The following PODXL variants were observed in gnomAD, a reference collection of about 807,000 sequenced individuals.
PODXL encodes podocalyxin.
Under a neutral mutation model 48.9 loss-of-function variants are expected in PODXL, and 20 were observed. The ratio of observed to expected loss-of-function variants is 0.41; its 90% CI spans 0.29 to 0.59. The LOEUF (loss-of-function observed/expected upper bound fraction) is 0.59. Ranked by LOEUF, PODXL falls within the 20% of genes least tolerant of loss-of-function variation. The pLI, the probability that PODXL is intolerant of heterozygous loss-of-function variation, is 0.31. For synonymous variants in PODXL, 295 were observed against 287.4 expected, an observed-to-expected ratio of 1.03 and a Z score of -0.27; for missense variants, 606 against 675.1, an observed-to-expected ratio of 0.90 and a Z score of 1.13.
intron 6 of PODXL, 82 bp from the exon 7 acceptor site, chr7:131,506,403 C>T (rs896351135): frequency 8.0e-6 from 12 of 1,496,322 alleles, no homozygotes; most frequent in South Asian, 3.4e-5. Flanking sequence ...AAGAGAGGGA[C>T]GCACCGTATC....
At position 131,556,401 on chromosome 7, in the gene PODXL, C is replaced by A. The variant is rs1798748330; in HGVS notation, c.-42G>T. 7.5e-7 allele frequency: 1 copy of A among 1,337,576 alleles called. No homozygotes were observed. The highest frequency in any genetic ancestry group is 2.9e-5 in the East Asian group (1 of 34,774). 82.9% of individuals were successfully genotyped at this position (1,337,576 alleles called of 1,614,324 possible). On this transcript the variant is annotated 5_prime_UTR_variant, in exon 1 of 9. Coordinates refer to ENST00000378555, the MANE Select transcript of PODXL (RefSeq NM_001018111.3). The stretch of plus-strand genomic sequence containing the variant: ...GGCCGGGAGCAGGTGGCTGCGGTGC[C>A]GGCGGAGGATCCGCGCGTCCGGGCG...
chr7:131,540,204 C>T (rs543318134), intron 1 of PODXL, among the ~76,000 whole-genome samples: 1 of 152,126 alleles, frequency 6.6e-6, no homozygotes, highest in African/African-American at 2.4e-5. Flanking sequence ...CACCACCACA[C>T]CCAGCTATGT....
rs116935073 is a variant in PODXL, at chr7:131,540,931, C to T, written c.100+15329G>A. ...CTGTGAAATGGAGCCTGTGAATTTC[C>T]CAGGGAATGATCTGCTTCCGTCTGG... On this transcript the variant is annotated intron_variant, in intron 1 of 8. Coordinates refer to ENST00000378555, the MANE Select transcript of PODXL (RefSeq NM_001018111.3). Among the ~76,000 whole-genome samples the T allele has an allele frequency of 6.2e-3, 943 of 152,252 alleles. 4 individuals carry two copies. Among genetic ancestry groups the T allele is most frequent in the Non-Finnish European group, 9.8e-3 (666 of 68,026 alleles).
At position 131,506,729 on chromosome 7, in the gene PODXL, A is replaced by G. The variant is rs2116779778; in HGVS notation, c.1102-3T>C. The G allele has an allele frequency of 3.1e-6, 5 of 1,614,026 alleles. No homozygotes were observed. The highest frequency in any genetic ancestry group is 4.2e-6 in the Non-Finnish European group (5 of 1,179,954). ...TTCTCATCCGAAGCGCCCCCTGCCT[A>G]TGGTGGGGAGAGCGCAGGTGACTCC... is the stretch of plus-strand genomic sequence containing the variant. On this transcript the variant is annotated splice_polypyrimidine_tract_variant and splice_region_variant and intron_variant, in intron 5 of 8. Coordinates refer to ENST00000378555, the MANE Select transcript of PODXL (RefSeq NM_001018111.3).
chr7:131,539,053 T>C (rs1798430576), intron 1 of PODXL, among the ~76,000 whole-genome samples: 1 of 152,206 alleles, frequency 6.6e-6, no homozygotes, highest in African/African-American at 2.4e-5. Flanking sequence ...GATGCCTGGA[T>C]GCCTTCGCTA....
At position 131,501,615 on chromosome 7, in the gene PODXL, T is replaced by G. The variant is rs1797704623; in HGVS notation, c.*2696A>C. ...GCTTCCTAGTCATCATACTTGTGGT[T>G]TCTGGCCTCCTGTGCAGCTTGGGGA... On this transcript the variant is annotated 3_prime_UTR_variant, in exon 9 of 9. Transcript: ENST00000378555. 1 of 152,226 alleles carries G rather than the reference T, an allele frequency of 6.6e-6. No individual in the cohort carries two copies. The highest frequency in any genetic ancestry group is 2.4e-5 in the African/African-American group (1 of 41,458). 9.4% of individuals were successfully genotyped at this position (152,226 alleles called of 1,614,324 possible).
rs1402997326 is a variant in PODXL, at chr7:131,501,233, A to C, written c.*3078T>G. On this transcript the variant is annotated 3_prime_UTR_variant, in exon 9 of 9. Transcript: ENST00000378555. ...TTGTCATTTCCAGTAAGACATTTACATTCCTGTCCAGAGAAAAAACTTGGC... is the reference window on the plus strand; with the variant it reads ...TTGTCATTTCCAGTAAGACATTTACCTTCCTGTCCAGAGAAAAAACTTGGC... 2.0e-5 allele frequency: 3 copies of C among 152,730 alleles called. No individual in the cohort carries two copies. Among genetic ancestry groups the C allele is most frequent in the South Asian group, 4.1e-4 (2 of 4,824 alleles). The allele number at this position is 152,730 out of a possible 1,614,324, so 9.5% of individuals were successfully genotyped here. A position where few individuals can be genotyped will look rare whatever the true frequency, so the allele number is the denominator to read the frequency against.
At chr7:131,554,564 A>G (rs1798715830) in intron 1 of PODXL, among the ~76,000 whole-genome samples, 1 of 152,228 alleles carries the variant, frequency 6.6e-6, no homozygotes, top group Admixed American at 6.5e-5. Context: ...CCCAGGTGCC[A>G]GGAAAAACAG....
At position 131,504,395 on chromosome 7, in the gene PODXL, G is replaced by A. The variant is rs777199883; in HGVS notation, c.1593C>T (p.Asn531=). Residue 531 remains asparagine (N), a synonymous_variant, in exon 9 of 9, where the codon AAC becomes AAT. Transcript: ENST00000378555. ...CGATCCAGCTGTCCCCCAGCTCCCC[G>A]TTGAGGCTGACCACCTTCTTCTCCT... ...EMQEKKVVSL[N]GELGDSWIVP... is the part of the protein sequence containing the mutation. 2.0e-5 allele frequency: 33 copies of A among 1,614,046 alleles called. No individual in the cohort carries two copies. Among genetic ancestry groups the A allele is most frequent in the South Asian group, 1.8e-4 (16 of 91,090 alleles).
chr7:131,549,983 C>T (rs373838033), intron 1 of PODXL, among the ~76,000 whole-genome samples: 13 of 152,340 alleles, frequency 8.5e-5, no homozygotes, highest in Admixed American at 3.3e-4. Flanking sequence ...GCTGCTCCAG[C>T]GATTCAGGGC....
chr7:131,518,362 A>G (rs1562907269), intron 1 of PODXL, among the ~76,000 whole-genome samples: 1 of 152,326 alleles, frequency 6.6e-6, no homozygotes, highest in East Asian at 1.9e-4. Flanking sequence ...TGAGGTGGCT[A>G]AAGAATCAAG....
intron 1 of PODXL, among the ~76,000 whole-genome samples, chr7:131,524,366 A>ACACACACACG (rs1554385075): frequency 1.9e-5 from 2 of 107,400 alleles, no homozygotes; most frequent in African/African-American, 8.1e-5. Context: ...ACACACGCAC[A>ACACACACACG]CACACACACA....
At chr7:131,535,082 T>A (rs1013294026) in intron 1 of PODXL, among the ~76,000 whole-genome samples, 4 of 151,978 alleles carry the variant, frequency 2.6e-5, no homozygotes, top group Admixed American at 1.3e-4. Flanking sequence ...AAAAGAAATA[T>A]ATTGACCATC....
chr7:131,509,359 A>C lies in PODXL; in HGVS notation c.1023+6T>G, dbSNP rs766357493. On this transcript the variant is annotated splice_donor_region_variant and intron_variant, in intron 4 of 8. Transcript: ENST00000378555. ...CTCCTACTTGCCCCACCCCTGCTGG[A>C]GTTACCCAGTTACTCTCATGAGCCA... 6.2e-7 allele frequency: 1 copy of C among 1,609,528 alleles called. No homozygotes were observed. The highest frequency in any genetic ancestry group is 1.7e-5 in the Admixed American group (1 of 60,000).
At position 131,511,023 on chromosome 7, in the gene PODXL, T is replaced by C; in HGVS notation, c.511A>G (p.Thr171Ala). ...GTCAGATGTTCTGCCTTAGTGGATG[T>C]GAGGTCTGTGGTCACACTGTGGCTG... ...KSSHSVTTDL[T>A]STKAEHLTTP... is the part of the protein sequence containing the mutation. Residue 171 changes from threonine to alanine, a missense_variant, in exon 2 of 9, where the codon ACA becomes GCA. Coordinates refer to ENST00000378555, the MANE Select transcript of PODXL (RefSeq NM_001018111.3). 2.5e-6 allele frequency: 4 copies of C among 1,614,144 alleles called. No homozygotes were observed. Among genetic ancestry groups the C allele is most frequent in the Non-Finnish European group, 1.7e-6 (2 of 1,180,002 alleles).
At chr7:131,525,839 A>G (rs902171683) in intron 1 of PODXL, among the ~76,000 whole-genome samples, 5 of 152,174 alleles carry the variant, frequency 3.3e-5, no homozygotes, top group Admixed American at 1.3e-4. Flanking sequence ...CCAGGTTTCT[A>G]GCTCTTGGAG....
At chr7:131,525,447 A>AAATAC (rs1244253147) in intron 1 of PODXL, among the ~76,000 whole-genome samples, 3 of 139,128 alleles carry the variant, frequency 2.2e-5, no homozygotes, top group Admixed American at 7.1e-5. Flanking sequence ...AAAAAAAAAA[A>AAATAC]AAAAATACAA....
intron 1 of PODXL, among the ~76,000 whole-genome samples, chr7:131,542,479 C>T (rs1346682860): frequency 6.6e-6 from 1 of 152,160 alleles, no homozygotes; most frequent in Non-Finnish European, 1.5e-5. Context: ...AATATAACGA[C>T]ACCTCACCTC....
At position 131,506,698 on chromosome 7, in the gene PODXL, A is replaced by C; in HGVS notation, c.1130T>G (p.Ile377Ser). The stretch of plus-strand genomic sequence containing the variant: ...TTTGACTGCTCGGCATATCAGTGAG[A>C]TCAATTTCTCATCCGAAGCGCCCCC... ...CAGGASDEKLISLICRAVKAT... is the reference protein window; with the variant it reads ...CAGGASDEKLSSLICRAVKAT... The change falls in exon 6 of 9, where the codon ATC becomes AGC. Residue 377 changes from isoleucine to serine, a missense_variant. Coordinates refer to ENST00000378555, the MANE Select transcript of PODXL (RefSeq NM_001018111.3). 1 of 1,614,130 alleles carries C rather than the reference A, an allele frequency of 6.2e-7. No individual in the cohort carries two copies. The highest frequency in any genetic ancestry group is 8.5e-7 in the Non-Finnish European group (1 of 1,180,002).
Sources: gnomAD v4.1 joint callset for allele counts (sites outside exome capture counted in the v4.1 genomes callset) on GRCh38, gnomAD v4.1.1 for gene constraint, MANE v1.5 for transcripts, NCBI Gene and HGNC (gene_info 2026-07-23, HGNC 2026-07-21) for gene names.